Variants in THRB observed in about 807,000 individuals in gnomAD.
THRB encodes the protein thyroid hormone receptor beta.
A neutral mutation model predicts 47.8 loss-of-function variants in THRB; 12 were observed. That is an observed-to-expected ratio of 0.25 (90% confidence interval 0.16 to 0.41). The LOEUF (loss-of-function observed/expected upper bound fraction) is 0.41. Among genes scored for constraint, THRB ranks in the 10% least tolerant of loss-of-function variants. The pLI, the probability that THRB is intolerant of heterozygous loss-of-function variation, is 1.00. For missense variants in THRB, 348 were observed against 589.2 expected (o/e 0.59, Z 4.24); for synonymous variants, 218 against 212.2 (o/e 1.03, Z -0.24).
chr3:24,148,301 AT>A (rs1169231139), intron 6 of THRB, among the ~76,000 whole-genome samples: 1 of 151,982 alleles, frequency 6.6e-6, no homozygotes, highest in Non-Finnish European at 1.5e-5. Flanking sequence ...TAATTTTTGT[AT>A]TTTTAGTAGA....
chr3:24,337,139 T>C (rs1275105056), intron 2 of THRB, among the ~76,000 whole-genome samples, 161 bp downstream of exon 2: 1 of 152,220 alleles, frequency 6.6e-6, no homozygotes, highest in African/African-American at 2.4e-5. Flanking sequence ...TTTTAGTTCA[T>C]TTAATGCTTT....
intron 1 of THRB, among the ~76,000 whole-genome samples, chr3:24,452,552 C>G (rs2072763968): frequency 1.3e-5 from 2 of 152,052 alleles, no homozygotes; most frequent in Admixed American, 6.6e-5. Flanking sequence ...ATGAGGAAGG[C>G]CTACTAATCT....
intron 5 of THRB, among the ~76,000 whole-genome samples, chr3:24,156,595 G>A (rs1427095931): frequency 1.3e-5 from 2 of 152,206 alleles, no homozygotes; most frequent in Non-Finnish European, 2.9e-5. Context: ...GTTTGCGGTA[G>A]TGGGAAATAC....
At chr3:24,431,741 C>T (rs1166573513) in intron 1 of THRB, among the ~76,000 whole-genome samples, 1 of 151,860 alleles carries the variant, frequency 6.6e-6, no homozygotes, top group Non-Finnish European at 1.5e-5. Flanking sequence ...AGGAAATAAC[C>T]CAAAAGTCTA....
At chr3:24,484,296 G>T (rs73036459) in intron 1 of THRB, among the ~76,000 whole-genome samples, 4,529 of 152,134 alleles carry the variant, frequency 0.03, 90 homozygotes, top group South Asian at 0.052. Context: ...ACTTTTTCAT[G>T]GAATTTGATA....
intron 1 of THRB, among the ~76,000 whole-genome samples, chr3:24,394,606 A>T (rs1431393408): frequency 6.6e-6 from 1 of 152,040 alleles, no homozygotes; most frequent in African/African-American, 2.4e-5. Flanking sequence ...GTAACTTCTG[A>T]CTCAAAAATT....
At chr3:24,325,749 T>C (rs967162729) in intron 2 of THRB, among the ~76,000 whole-genome samples, 1 of 152,234 alleles carries the variant, frequency 6.6e-6, no homozygotes, top group African/African-American at 2.4e-5. Context: ...TAACAATCCC[T>C]GCCTGTTTTT....
At chr3:24,255,765 G>A (rs1484811845) in intron 3 of THRB, among the ~76,000 whole-genome samples, 1 of 152,242 alleles carries the variant, frequency 6.6e-6, no homozygotes, top group Non-Finnish European at 1.5e-5. Flanking sequence ...GAGACAGACA[G>A]GAGACTGGCC....
chr3:24,277,885 T>C (rs1247528087), intron 3 of THRB, among the ~76,000 whole-genome samples: 7 of 152,198 alleles, frequency 4.6e-5, no homozygotes, highest in Admixed American at 4.6e-4. Flanking sequence ...TTGACATTTA[T>C]CAAATAATTG....
At chr3:24,399,996 CA>C (rs1231861968) in intron 1 of THRB, among the ~76,000 whole-genome samples, 2 of 152,114 alleles carry the variant, frequency 1.3e-5, no homozygotes, top group African/African-American at 4.8e-5. Flanking sequence ...AAACTGTTTT[CA>C]AATTCCTTTT....
intron 1 of THRB, among the ~76,000 whole-genome samples, chr3:24,346,620 T>C (rs746965251): frequency 4.6e-5 from 7 of 151,938 alleles, no homozygotes; most frequent in Non-Finnish European, 8.8e-5. Context: ...ATTGAAAAAA[T>C]TACATGTAAA....
chr3:24,292,534 A>G (rs2056032920), intron 3 of THRB, among the ~76,000 whole-genome samples: 1 of 152,030 alleles, frequency 6.6e-6, no homozygotes, highest in African/African-American at 2.4e-5. Flanking sequence ...TGTCCTCTCC[A>G]CTGTGTGCAT....
intron 1 of THRB, among the ~76,000 whole-genome samples, chr3:24,490,108 C>A (rs1282750208): frequency 6.6e-6 from 1 of 152,108 alleles, no homozygotes; most frequent in Non-Finnish European, 1.5e-5. Flanking sequence ...ATTTCAGAAT[C>A]CTTTTGTATT....
At chr3:24,284,334 G>T (rs1308366200) in intron 3 of THRB, among the ~76,000 whole-genome samples, 1 of 151,374 alleles carries the variant, frequency 6.6e-6, no homozygotes, top group African/African-American at 2.4e-5. Flanking sequence ...ATGGGGAAAG[G>T]ATTCCCTATT....
At chr3:24,163,403 A>C (rs2039181724) in intron 5 of THRB, among the ~76,000 whole-genome samples, 1 of 152,200 alleles carries the variant, frequency 6.6e-6, no homozygotes, top group Admixed American at 6.6e-5. Context: ...ACATTTTATA[A>C]GCAAATATTC....
At chr3:24,385,813 T>C (rs1168685586) in intron 1 of THRB, among the ~76,000 whole-genome samples, 2 of 152,090 alleles carry the variant, frequency 1.3e-5, no homozygotes, top group Admixed American at 1.3e-4. Context: ...AATTTCCAGA[T>C]AAATCATCAC....
intron 3 of THRB, among the ~76,000 whole-genome samples, chr3:24,263,100 C>T: frequency 6.6e-6 from 1 of 152,114 alleles, no homozygotes; most frequent in Non-Finnish European, 1.5e-5. Flanking sequence ...TAGAAGGGGA[C>T]ATTATTCTTG....
chr3:24,360,277 C>T (rs576262135), intron 1 of THRB, among the ~76,000 whole-genome samples: 24 of 152,120 alleles, frequency 1.6e-4, no homozygotes, highest in Admixed American at 2.6e-4. Context: ...TTGAAATTAG[C>T]TACTAAGGTT....
chr3:24,388,944 A>T (rs1194698562), intron 1 of THRB, among the ~76,000 whole-genome samples: 1 of 152,298 alleles, frequency 6.6e-6, no homozygotes, highest in South Asian at 2.1e-4. Context: ...TGGACATAGC[A>T]GCTGTTCTAA....
Sources: gnomAD v4.1 joint callset for allele counts (sites outside exome capture counted in the v4.1 genomes callset) on GRCh38, gnomAD v4.1.1 for gene constraint, MANE v1.5 for transcripts, NCBI Gene and HGNC (gene_info 2026-07-23, HGNC 2026-07-21) for gene names.